SLC25A21: variants seen among roughly 807,000 people sequenced by gnomAD.
The protein encoded by SLC25A21 is mitochondrial 2-oxodicarboxylate carrier.
A neutral mutation model predicts 43.8 loss-of-function variants in SLC25A21; 47 were observed. The observed-to-expected ratio is 1.07, with a 90% CI of 0.85 to 1.37. SLC25A21 has a LOEUF of 1.37. Among genes scored for constraint, SLC25A21 ranks in the 40% most tolerant of loss-of-function variants. The pLI, the probability that SLC25A21 is intolerant of heterozygous loss-of-function variation, is 0.00. For missense variants in SLC25A21, 352 were observed against 350.2 expected, an observed-to-expected ratio of 1.00 and a Z score of -0.04; for synonymous variants, 131 against 121.3, an observed-to-expected ratio of 1.08 and a Z score of -0.52.
chr14:36,780,618 T>C (rs1887021386), intron 3 of SLC25A21, among the ~76,000 whole-genome samples: 1 of 152,078 alleles, frequency 6.6e-6, no homozygotes, highest in South Asian at 2.1e-4. Context: ...AATTCCCACA[T>C]TATTTGTGAA....
chr14:36,792,497 GT>G (rs1258340409), intron 3 of SLC25A21, among the ~76,000 whole-genome samples: 2 of 152,118 alleles, frequency 1.3e-5, no homozygotes, highest in Non-Finnish European at 2.9e-5. Flanking sequence ...TCATGAAAAT[GT>G]TGGACCAAGT....
At chr14:36,702,527 G>A (rs1323065234) in intron 7 of SLC25A21, among the ~76,000 whole-genome samples, 4 of 148,244 alleles carry the variant, frequency 2.7e-5, no homozygotes, top group Non-Finnish European at 4.5e-5. Context: ...AAAAGAAAAC[G>A]GACTTCCCTA....
intron 1 of SLC25A21, among the ~76,000 whole-genome samples, chr14:37,055,671 T>C (rs1361680985): frequency 6.6e-6 from 1 of 152,162 alleles, no homozygotes; most frequent in Non-Finnish European, 1.5e-5. Flanking sequence ...CTGAGCCTAG[T>C]CTTTCAACCA....
At chr14:36,949,218 C>G (rs1892745886) in intron 1 of SLC25A21, among the ~76,000 whole-genome samples, 1 of 152,208 alleles carries the variant, frequency 6.6e-6, no homozygotes, top group Non-Finnish European at 1.5e-5. Context: ...AAACCCTCTT[C>G]TCATCTTTGG....
At chr14:37,092,444 C>A (rs538982881) in intron 1 of SLC25A21, among the ~76,000 whole-genome samples, 1 of 152,270 alleles carries the variant, frequency 6.6e-6, no homozygotes, top group African/African-American at 2.4e-5. Flanking sequence ...CGTCCTCCTA[C>A]CTACCTAGGC....
chr14:37,090,936 C>G (rs372703879), intron 1 of SLC25A21, among the ~76,000 whole-genome samples: 15 of 152,192 alleles, frequency 9.9e-5, no homozygotes, highest in African/African-American at 3.1e-4. Context: ...AGTTAAGTTC[C>G]TGTGTGTCTC....
intron 1 of SLC25A21, among the ~76,000 whole-genome samples, chr14:36,976,827 A>T (rs1470389257): frequency 6.6e-6 from 1 of 152,174 alleles, no homozygotes. Flanking sequence ...ATCTGAGTTC[A>T]TCTTCTTGCT....
intron 6 of SLC25A21, among the ~76,000 whole-genome samples, chr14:36,720,585 C>G (rs766924005): frequency 2.0e-5 from 3 of 152,228 alleles, no homozygotes; most frequent in Non-Finnish European, 2.9e-5. Flanking sequence ...TGGTGTTCCA[C>G]CACAACTAGG....
In SLC25A21 at chr14:36,678,531, C is replaced by T. The variant is rs1354732442; in HGVS notation, c.*2127G>A. ...AACTGAATGGAACAAAGATCCAATCCAATATTTTGGTGGAGACTTCTTTAA... is the reference window on the plus strand; with the variant it reads ...AACTGAATGGAACAAAGATCCAATCTAATATTTTGGTGGAGACTTCTTTAA... On this transcript the variant is annotated 3_prime_UTR_variant, in exon 10 of 10. Transcript: ENST00000331299. 6.5e-7 allele frequency: 1 copy of T among 1,536,684 alleles called. No individual in the cohort carries two copies. The highest frequency in any genetic ancestry group is 1.4e-5 in the African/African-American group (1 of 73,120).
chr14:37,139,134 GA>G (rs995463701), intron 1 of SLC25A21, among the ~76,000 whole-genome samples: 2 of 152,024 alleles, frequency 1.3e-5, no homozygotes, highest in African/African-American at 4.8e-5. Context: ...AACTTATAGG[GA>G]AAGATTTTAA....
At chr14:37,105,392 A>T (rs781739549) in intron 1 of SLC25A21, among the ~76,000 whole-genome samples, 1 of 152,134 alleles carries the variant, frequency 6.6e-6, no homozygotes, top group Non-Finnish European at 1.5e-5. Context: ...GTGCAGGCCA[A>T]GAGGGCTAAG....
intron 1 of SLC25A21, among the ~76,000 whole-genome samples, chr14:37,148,626 A>T (rs1963707990): frequency 6.6e-6 from 1 of 152,190 alleles, no homozygotes. Flanking sequence ...GTCTCAATGA[A>T]ATTGAATTGC....
chr14:37,082,621 C>T (rs1393221704), intron 1 of SLC25A21, among the ~76,000 whole-genome samples: 1 of 152,088 alleles, frequency 6.6e-6, no homozygotes, highest in African/African-American at 2.4e-5. Context: ...GAGTGCCTAG[C>T]CCATAGCAAA....
At chr14:36,794,982 G>A (rs537151713) in intron 3 of SLC25A21, among the ~76,000 whole-genome samples, 2 of 151,838 alleles carry the variant, frequency 1.3e-5, no homozygotes, top group Admixed American at 1.3e-4. Flanking sequence ...ATGCTTTTAC[G>A]ACTTGGTGGC....
At chr14:36,951,090 T>C (rs1594714261) in intron 1 of SLC25A21, among the ~76,000 whole-genome samples, 1 of 152,248 alleles carries the variant, frequency 6.6e-6, no homozygotes, top group Middle Eastern at 3.4e-3. Flanking sequence ...CCATCTGTCA[T>C]ATACCCTAGA....
intron 1 of SLC25A21, among the ~76,000 whole-genome samples, chr14:36,880,930 C>A (rs555538723): frequency 5.9e-5 from 9 of 152,130 alleles, no homozygotes; most frequent in African/African-American, 1.4e-4. Flanking sequence ...CACAGCCTGA[C>A]GCTGCAACAA....
Position 37,131,462 on chromosome 14 carries a change from T to C in SLC25A21, c.70+40819A>G, listed in dbSNP as rs7147904. ...GCTGTTGTCTGTCAGCAGGCAGATA[T>C]AGAGGACCTCATAGATACACAGCAC... is the stretch of plus-strand genomic sequence containing the variant. On this transcript the variant is annotated intron_variant, in intron 1 of 9. Transcript: ENST00000331299. 8.3e-3 allele frequency among the ~76,000 whole-genome samples: 1,262 copies of C among 152,326 alleles called. 8 individuals are homozygous for C. The highest frequency in any genetic ancestry group is 0.011 in the Non-Finnish European group (765 of 68,022).
chr14:36,743,095 C>G (rs888825189), intron 3 of SLC25A21, among the ~76,000 whole-genome samples: 1 of 152,082 alleles, frequency 6.6e-6, no homozygotes, highest in Non-Finnish European at 1.5e-5. Context: ...GCAGAGTGCT[C>G]AATGCACTAA....
At chr14:36,756,409 C>T (rs1373988408) in intron 3 of SLC25A21, among the ~76,000 whole-genome samples, 14 of 152,168 alleles carry the variant, frequency 9.2e-5, no homozygotes, top group South Asian at 2.1e-4. Flanking sequence ...AGAAGCATGA[C>T]GTGGTTCACG....
Sources: gnomAD v4.1 joint callset for allele counts (sites outside exome capture counted in the v4.1 genomes callset) on GRCh38, gnomAD v4.1.1 for gene constraint, MANE v1.5 for transcripts, NCBI Gene and HGNC (gene_info 2026-07-23, HGNC 2026-07-21) for gene names.